The following FNBP1 variants were observed in gnomAD, a reference collection of about 807,000 sequenced individuals.
FNBP1 encodes the protein formin binding protein 1, also known as formin-binding protein 1.
In FNBP1, 26 loss-of-function variants were observed where a neutral mutation model predicts 90.6. The observed-to-expected ratio is 0.29, with a 90% CI of 0.21 to 0.40. The LOEUF (loss-of-function observed/expected upper bound fraction) is 0.40, where lower values mean the gene tolerates loss of function less well. Among genes scored for constraint, FNBP1 ranks in the 10% least tolerant of loss-of-function variants. The pLI is 1.00. For missense variants in FNBP1, 635 were observed against 768.0 expected, an observed-to-expected ratio of 0.83 and a Z score of 2.05; for synonymous variants, 260 against 265.2, an observed-to-expected ratio of 0.98 and a Z score of 0.19.
At chr9:129,898,320 G>A (rs1180429589) in intron 15 of FNBP1, among the ~76,000 whole-genome samples, 1 of 152,062 alleles carries the variant, frequency 6.6e-6, no homozygotes, top group Non-Finnish European at 1.5e-5. Flanking sequence ...ACTCTTTAGT[G>A]CCACATTTCA....
Position 129,935,307 on chromosome 9 carries a change from ATTAC to A in FNBP1, c.514-5616_514-5613del, listed in dbSNP as rs535982210. 1.3e-4 allele frequency among the ~76,000 whole-genome samples: 19 copies of A among 151,788 alleles called. 1 individual carries two copies. In the South Asian group the frequency reaches 3.8e-3, roughly 30 times the overall value. The stretch of plus-strand genomic sequence containing the variant: ...ATATGCCAGGCCTGTTTAATTCAAT[ATTAC>A]TTTTTCCTTAATATTTCAAAATATT... On this transcript the variant is annotated intron_variant, in intron 6 of 16. Transcript: ENST00000446176.
chr9:129,971,801 T>C (rs1224809185), intron 4 of FNBP1, among the ~76,000 whole-genome samples: 1 of 152,246 alleles, frequency 6.6e-6, no homozygotes, highest in Non-Finnish European at 1.5e-5. Context: ...GAGCCATTTT[T>C]CATCACGCTT....
intron 16 of FNBP1, among the ~76,000 whole-genome samples, chr9:129,892,626 A>G (rs1233400676): frequency 1.3e-5 from 2 of 152,228 alleles, no homozygotes; most frequent in African/African-American, 4.8e-5. Context: ...AGAAAATTAT[A>G]TAAGTAGCTG....
intron 1 of FNBP1, among the ~76,000 whole-genome samples, chr9:129,996,393 A>C (rs1342842392): frequency 6.6e-6 from 1 of 152,138 alleles, no homozygotes; most frequent in Non-Finnish European, 1.5e-5. Flanking sequence ...GGAAGAGAGA[A>C]TTCCAGTGGA....
rs141579810 is a variant in FNBP1, at chr9:129,890,206, C to T, written c.*333G>A. On this transcript the variant is annotated 3_prime_UTR_variant, in exon 17 of 17. Transcript: ENST00000446176. The surrounding 1 kb of genome is among the most constrained non-coding windows in gnomAD (Gnocchi z 5.8). ...GTGAAGCGCGGAAGGGCTGCCAGGA[C>T]GAGCCCGGGTGGACTGAGGGCCCAG... 135 of 449,870 alleles carry T rather than the reference C, an allele frequency of 3.0e-4. No homozygotes were observed. In the East Asian group the frequency reaches 4.7e-3, roughly 16 times the overall value. 27.9% of individuals were successfully genotyped at this position (449,870 alleles called of 1,614,324 possible).
At chr9:130,033,720 C>T (rs896542346) in intron 1 of FNBP1, among the ~76,000 whole-genome samples, 8 of 149,896 alleles carry the variant, frequency 5.3e-5, no homozygotes, top group Non-Finnish European at 1.2e-4. Context: ...GGGCTGGGCA[C>T]GGTGGCTCAC....
chr9:129,923,750 C>A (rs2041470145), intron 10 of FNBP1, 94 bp downstream of exon 10: 11 of 1,255,970 alleles, frequency 8.8e-6, no homozygotes, highest in South Asian at 5.7e-5. Flanking sequence ...TATGGGAAAA[C>A]ACAATGGATT....
At chr9:129,891,567 T>C (rs919828303) in intron 16 of FNBP1, among the ~76,000 whole-genome samples, 4 of 152,244 alleles carry the variant, frequency 2.6e-5, no homozygotes, top group Non-Finnish European at 5.9e-5. Context: ...TCTTCAGCAG[T>C]ACAATGTAAA....
At chr9:129,929,501 G>C in intron 7 of FNBP1, 66 bp downstream of exon 7, 1 of 1,450,552 alleles carries the variant, frequency 6.9e-7, no homozygotes, top group Non-Finnish European at 9.6e-7. Context: ...TCACGATTCA[G>C]AAGTGTCATG....
intron 4 of FNBP1, among the ~76,000 whole-genome samples, chr9:129,961,291 G>C (rs1320368880): frequency 2.0e-5 from 3 of 152,026 alleles, no homozygotes; most frequent in African/African-American, 7.2e-5. Context: ...CAGCCTGGGT[G>C]ACAGATAGAG....
intron 4 of FNBP1, among the ~76,000 whole-genome samples, chr9:129,974,815 G>A (rs978740531): frequency 4.7e-5 from 7 of 148,190 alleles, no homozygotes; most frequent in East Asian, 3.9e-4. Flanking sequence ...AGCCATGATC[G>A]CACCACTGCA....
At chr9:130,002,630 G>A (rs934696522) in intron 1 of FNBP1, among the ~76,000 whole-genome samples, 1 of 152,122 alleles carries the variant, frequency 6.6e-6, no homozygotes, top group Non-Finnish European at 1.5e-5. Context: ...GCCTTATCTT[G>A]AACTTTTCCA....
chr9:130,019,836 G>A (rs886505982), intron 1 of FNBP1, among the ~76,000 whole-genome samples: 8 of 152,046 alleles, frequency 5.3e-5, no homozygotes, highest in African/African-American at 1.9e-4. Flanking sequence ...GGGATTACAG[G>A]CGTGAGCCAC....
At chr9:130,002,150 T>C (rs563461250) in intron 1 of FNBP1, among the ~76,000 whole-genome samples, 4 of 150,478 alleles carry the variant, frequency 2.7e-5, no homozygotes, top group Non-Finnish European at 4.4e-5. Context: ...GATCGCGCCA[T>C]TGCACTCCAG....
At chr9:130,017,651 G>A (rs1235833108) in intron 1 of FNBP1, among the ~76,000 whole-genome samples, 1 of 151,852 alleles carries the variant, frequency 6.6e-6, no homozygotes, top group Non-Finnish European at 1.5e-5. Context: ...CCAACATCGC[G>A]AAACCCAGTC....
At chr9:129,909,044 TC>T in intron 11 of FNBP1, 45 bp from the exon 12 acceptor site, 3 of 1,394,916 alleles carry the variant, frequency 2.2e-6, no homozygotes, top group Non-Finnish European at 3.0e-6. Context: ...CCCCAGGCTT[TC>T]CTTGAAAGAA....
intron 1 of FNBP1, among the ~76,000 whole-genome samples, chr9:129,996,413 C>A (rs1184084564): frequency 2.0e-5 from 3 of 152,134 alleles, no homozygotes; most frequent in Non-Finnish European, 4.4e-5. Context: ...AAATGGAATT[C>A]TCCATGGAAA....
At chr9:129,892,418 A>ACACACACAC (rs1396983965) in intron 16 of FNBP1, among the ~76,000 whole-genome samples, 1 of 107,616 alleles carries the variant, frequency 9.3e-6, no homozygotes, top group African/African-American at 4.0e-5. Context: ...CACACACACA[A>ACACACACAC]AAAGGTTGAC....
In FNBP1 at chr9:129,929,643, T is replaced by C. The variant is rs772334866; in HGVS notation, c.566A>G (p.Asp189Gly). The part of the protein sequence containing the change: ...RHQMAEDSKA[D>G]YSSILQKFNH... The stretch of plus-strand genomic sequence containing the variant: ...GAATTTCTGGAGAATGGATGAGTAA[T>C]CTGCTTTGCTGTCCTCTGCCATTTG... Residue 189 changes from aspartate (D) to glycine (G), a missense_variant, in exon 7 of 17, where the codon GAT becomes GGT. By Grantham distance (94) the Asp-to-Gly change is moderately conservative. Coordinates refer to ENST00000446176, the MANE Select transcript of FNBP1 (RefSeq NM_015033.3). 5 of 1,613,822 alleles carry C rather than the reference T, an allele frequency of 3.1e-6. No homozygotes were observed. Among genetic ancestry groups the C allele is most frequent in the African/African-American group, 2.7e-5 (2 of 74,934 alleles).
Sources: allele counts gnomAD v4.1 joint callset (sites outside exome capture counted in the v4.1 genomes callset), GRCh38; gene constraint gnomAD v4.1.1; non-coding constraint Gnocchi (gnomAD v3.1); transcripts MANE v1.5; gene names NCBI Gene and HGNC (gene_info 2026-07-23, HGNC 2026-07-21).